ABCC10: variants seen among roughly 807,000 people sequenced by gnomAD.
The protein encoded by ABCC10 is ATP-binding cassette sub-family C member 10.
A neutral mutation model predicts 143.2 loss-of-function variants in ABCC10; 110 were observed. The observed-to-expected ratio is 0.77, with a 90% confidence interval of 0.66 to 0.90. The LOEUF (loss-of-function observed/expected upper bound fraction) is 0.90. Ranked by LOEUF, ABCC10 falls within the 40% of genes least tolerant of loss-of-function variation. The pLI, the probability that ABCC10 is intolerant of heterozygous loss-of-function variation, is 0.00. For missense variants in ABCC10, 1,700 were observed against 1,900.5 expected, an observed-to-expected ratio of 0.89 and a Z score of 1.96; for synonymous variants, 805 against 846.7, an observed-to-expected ratio of 0.95 and a Z score of 0.85.
At chr6:43,439,817 T>C (rs559011676) in intron 8 of ABCC10, among the ~76,000 whole-genome samples, 45 of 152,150 alleles carry the variant, frequency 3.0e-4, no homozygotes, top group Non-Finnish European at 5.9e-4. Context: ...CTCCTGACCT[T>C]GTGATCTGCC....
At chr6:43,445,412 C>A in intron 14 of ABCC10, 98 bp downstream of exon 14, 1 of 1,427,220 alleles carries the variant, frequency 7.0e-7, no homozygotes, top group Non-Finnish European at 9.5e-7. Flanking sequence ...GAGAGTCTTT[C>A]CTGCCCTGGG....
At position 43,443,501 on chromosome 6, in the gene ABCC10, T is replaced by G; in HGVS notation, c.2416+342T>G. ...ACAAAAATTTTTAAACTCTGAAAGATTTTTATGCAGAGGGATGTGACCACC... is the reference window on the plus strand; with the variant it reads ...ACAAAAATTTTTAAACTCTGAAAGAGTTTTATGCAGAGGGATGTGACCACC... On this transcript the variant is annotated intron_variant, in intron 10 of 21. Transcript: ENST00000372530. This position sits in a 1 kb window ranked among gnomAD's most constrained non-coding sequence, Gnocchi z 4.2. 3.4e-6 allele frequency: 1 copy of G among 289,948 alleles called. No individual in the cohort carries two copies. The highest frequency in any genetic ancestry group is 6.4e-6 in the Non-Finnish European group (1 of 155,872). 18.0% of individuals were successfully genotyped at this position (289,948 alleles called of 1,614,324 possible).
chr6:43,438,335 A>G, intron 7 of ABCC10: 2 of 1,412,684 alleles, frequency 1.4e-6, no homozygotes, highest in African/African-American at 1.4e-5. Flanking sequence ...CCTTGTTTTC[A>G]GATGGGAACA....
intron 7 of ABCC10, 57 bp from the exon 8 acceptor site, chr6:43,438,567 G>A (rs1309982280): frequency 6.3e-7 from 1 of 1,590,206 alleles, no homozygotes; most frequent in African/African-American, 1.3e-5. Flanking sequence ...CAAGGGCTGG[G>A]CATGGAGGGA....
rs1460996335 is a variant in ABCC10, at chr6:43,437,952, G to A, written c.1894G>A (p.Val632Met). ...EVKKGMLVGI[V>M]GKVGCGKSSL... ...CTTGCAGGGTATGCTGGTGGGCATC[G>A]TGGGGAAGGTCGGCTGTGGGAAGAG... The change falls in exon 7 of 22, where the codon GTG becomes ATG. Residue 632 changes from valine to methionine, a missense_variant. Transcript: ENST00000372530. The A allele has an allele frequency of 3.7e-6, 6 of 1,613,156 alleles. No individual in the cohort carries two copies. The highest frequency in any genetic ancestry group is 3.3e-4 in the Middle Eastern group (2 of 6,078).
intron 4 of ABCC10, 145 bp downstream of exon 4, chr6:43,434,993 T>G: frequency 1.2e-6 from 1 of 802,766 alleles, no homozygotes; most frequent in Non-Finnish European, 1.9e-6. Context: ...GAAGAAACCT[T>G]TTTGTGGGGG....
At chr6:43,439,837 C>G (rs1374112091) in intron 8 of ABCC10, among the ~76,000 whole-genome samples, 1 of 152,186 alleles carries the variant, frequency 6.6e-6, no homozygotes. Flanking sequence ...CCACCTTGGC[C>G]TCCCAAGGTG....
intron 8 of ABCC10, 78 bp downstream of exon 8, chr6:43,438,873 T>C: frequency 1.3e-6 from 2 of 1,543,188 alleles, no homozygotes. Context: ...AGCTTTGCTT[T>C]TCTGGAAAGG....
intron 7 of ABCC10, 187 bp downstream of exon 7, chr6:43,438,200 C>A (rs1302501529): frequency 2.2e-6 from 2 of 893,248 alleles, no homozygotes; most frequent in Non-Finnish European, 3.3e-6. Context: ...GTAATCATTA[C>A]ACCAGAGTGT....
At chr6:43,438,302 A>T in intron 7 of ABCC10, 1 of 1,353,942 alleles carries the variant, frequency 7.4e-7, no homozygotes, top group Non-Finnish European at 9.7e-7. Context: ...GGATCCAGAG[A>T]GGAGCATAGG....
rs2127385029 is a variant in ABCC10, at chr6:43,433,080, C to G, written c.1100C>G (p.Ala367Gly). 1 of 1,614,148 alleles carries G rather than the reference C, an allele frequency of 6.2e-7. No homozygotes were observed. ...GAVLNILYCK[A>G]LQLGPSRPPT... The stretch of plus-strand genomic sequence containing the variant: ...GTGCTGAACATCCTGTACTGCAAGG[C>G]TTTACAGCTGGGGCCCAGCCGCCCT... The change falls in exon 3 of 22, where the codon GCT becomes GGT. Residue 367 changes from alanine (A) to glycine (G), a missense_variant. Transcript: ENST00000372530.
At chr6:43,431,781 C>T (rs1781163071) in intron 2 of ABCC10, 2 of 1,094,768 alleles carry the variant, frequency 1.8e-6, no homozygotes, top group African/African-American at 3.3e-5. Context: ...AAGTAGCAAA[C>T]GTAGTACCCA....
intron 16 of ABCC10, 29 bp downstream of exon 16, chr6:43,446,475 T>G (rs1022600534): frequency 1.3e-6 from 2 of 1,597,250 alleles, no homozygotes; most frequent in Non-Finnish European, 1.7e-6. Context: ...CACCCCTACC[T>G]CATCCACAAG....
At chr6:43,451,117 C>A, downstream of ABCC10, 1 of 1,614,220 alleles carries the variant, frequency 6.2e-7, no homozygotes, top group Non-Finnish European at 8.5e-7. This position sits in a 1 kb window ranked among gnomAD's most constrained non-coding sequence, Gnocchi z 4.4. Flanking sequence ...CGGTTTATGC[C>A]GTCAAGGCAG....
At chr6:43,449,225 A>G (rs1783478878) in intron 20 of ABCC10, 21 bp downstream of exon 20, 1 of 1,611,296 alleles carries the variant, frequency 6.2e-7, no homozygotes, top group South Asian at 1.1e-5. Flanking sequence ...AGAAAGAGAC[A>G]TTAGAGAGGG....
chr6:43,439,828 C>T (rs1782154128), intron 8 of ABCC10, among the ~76,000 whole-genome samples: 1 of 152,184 alleles, frequency 6.6e-6, no homozygotes, highest in Non-Finnish European at 1.5e-5. Context: ...GTGATCTGCC[C>T]ACCTTGGCCT....
rs1780654137 is a variant in ABCC10, at chr6:43,427,706, G to A, written c.-63G>A. ...TGCACAGCAGCTTCTTCAGGTTTGA[G>A]GTTCCGGATGCCTGGGGGCGGAGAA... On this transcript the variant is annotated 5_prime_UTR_variant, in exon 1 of 22. Transcript: ENST00000372530. 1.8e-6 allele frequency: 1 copy of A among 556,552 alleles called. No individual in the cohort carries two copies. The highest frequency in any genetic ancestry group is 3.2e-6 in the Non-Finnish European group (1 of 308,010). The allele number at this position is 556,552 out of a possible 1,614,324, so 34.5% of individuals were successfully genotyped here. A position where few individuals can be genotyped will look rare whatever the true frequency, so the allele number is the denominator to read the frequency against.
At chr6:43,434,221 G>T (rs1473182810) in intron 3 of ABCC10, among the ~76,000 whole-genome samples, 1 of 152,252 alleles carries the variant, frequency 6.6e-6, no homozygotes, top group Non-Finnish European at 1.5e-5. Context: ...GGCCGGAACT[G>T]GGGGGCCAGC....
intron 2 of ABCC10, among the ~76,000 whole-genome samples, chr6:43,429,415 G>C (rs1430650239): frequency 2.2e-5 from 2 of 89,670 alleles, no homozygotes; most frequent in Admixed American, 1.1e-4. Context: ...TGTGTGGCGG[G>C]GGGGAGGGGG....
Sources: gnomAD v4.1 joint callset for allele counts (sites outside exome capture counted in the v4.1 genomes callset) on GRCh38, gnomAD v4.1.1 for gene constraint, Gnocchi (gnomAD v3.1) non-coding constraint, MANE v1.5 for transcripts, NCBI Gene and HGNC (gene_info 2026-07-23, HGNC 2026-07-21) for gene names.